The following ELMO1 variants were observed in gnomAD, a reference collection of about 807,000 sequenced individuals.
The protein encoded by ELMO1 is engulfment and cell motility 1, also known as engulfment and cell motility protein 1.
In ELMO1, 26 loss-of-function variants were observed where a neutral mutation model predicts 98.9. That is an observed-to-expected ratio of 0.26 (90% confidence interval 0.19 to 0.36). The LOEUF is 0.36. ELMO1 is among the 10% of genes least tolerant of loss of function. The pLI, the probability that ELMO1 is intolerant of heterozygous loss-of-function variation, is 1.00. For missense variants in ELMO1, 627 were observed against 935.2 expected, an observed-to-expected ratio of 0.67 and a Z score of 4.30; for synonymous variants, 346 against 346.0, an observed-to-expected ratio of 1.00 and a Z score of 0.00.
chr7:37,288,138 T>C (rs1172000987), intron 4 of ELMO1, among the ~76,000 whole-genome samples: 6 of 152,218 alleles, frequency 3.9e-5, no homozygotes, highest in African/African-American at 1.2e-4. Flanking sequence ...TTTTGTATTT[T>C]TGGTAGAGAC....
At position 37,293,480 on chromosome 7, in the gene ELMO1, C is replaced by T. The variant is rs1157281020; in HGVS notation, c.192+21370G>A. On this transcript the variant is annotated intron_variant, in intron 4 of 21. Transcript: ENST00000310758. ...CACTCAGGGTTGAATGGATTAAGGG[C>T]GGTGCAAGTTGTGCTTTGTTAAACA... is the stretch of plus-strand genomic sequence containing the variant. 4.0e-5 allele frequency among the ~76,000 whole-genome samples: 4 copies of T among 99,486 alleles called. No homozygotes were observed. In the East Asian group the frequency reaches 6.9e-4, roughly 17 times the overall value. The allele number at this position is 99,486 out of a possible 152,430, so 65.3% of individuals were successfully genotyped here.
chr7:37,240,725 T>C (rs2130684334), intron 7 of ELMO1, among the ~76,000 whole-genome samples: 1 of 152,336 alleles, frequency 6.6e-6, no homozygotes, highest in South Asian at 2.1e-4. Context: ...AGTTATTCCT[T>C]GACTCTTTGA....
intron 15 of ELMO1, among the ~76,000 whole-genome samples, chr7:37,083,332 G>C (rs1783579267): frequency 6.6e-6 from 1 of 152,084 alleles, no homozygotes; most frequent in Admixed American, 6.5e-5. Flanking sequence ...TCCCCTGCAG[G>C]AATTTGCATT....
chr7:36,946,252 T>G (rs529866412), intron 16 of ELMO1, among the ~76,000 whole-genome samples: 4 of 152,264 alleles, frequency 2.6e-5, no homozygotes, highest in Non-Finnish European at 5.9e-5. Flanking sequence ...ACATTTCATC[T>G]GTGCCATTAG....
At chr7:37,225,067 G>T in intron 8 of ELMO1, 37 bp from the exon 9 acceptor site, 1 of 1,613,006 alleles carries the variant, frequency 6.2e-7, no homozygotes. Flanking sequence ...ACTGCTCGTG[G>T]TAAGTAGAGC....
rs577770632 is a variant in ELMO1 at position 36,919,222 on chromosome 7, T to C, written c.1438-24205A>G. Reference sequence around the variant, plus strand: ...CTGTTGAATGTCACTATGTGCTCCATGTTATCCAGCATTTGGTTAATAGTG... The same window carrying C: ...CTGTTGAATGTCACTATGTGCTCCACGTTATCCAGCATTTGGTTAATAGTG... On this transcript the variant is annotated intron_variant, in intron 16 of 21. Transcript: ENST00000310758. 5 of 326,042 alleles carry C rather than the reference T, an allele frequency of 1.5e-5. No individual in the cohort carries two copies. In the East Asian group the frequency reaches 2.5e-4, roughly 16 times the overall value. 20.2% of individuals were successfully genotyped at this position (326,042 alleles called of 1,614,324 possible).
At chr7:37,193,819 C>G (rs1025011991) in intron 13 of ELMO1, among the ~76,000 whole-genome samples, 1 of 152,166 alleles carries the variant, frequency 6.6e-6, no homozygotes, top group South Asian at 2.1e-4. Flanking sequence ...GATGAGCACA[C>G]ACATGCACAC....
chr7:37,046,588 G>A (rs1485477307), intron 15 of ELMO1, among the ~76,000 whole-genome samples: 1 of 152,118 alleles, frequency 6.6e-6, no homozygotes, highest in East Asian at 1.9e-4. Context: ...ACACGGGAAT[G>A]AGAATGATGA....
intron 1 of ELMO1, among the ~76,000 whole-genome samples, chr7:37,403,504 T>C (rs1803621099): frequency 6.6e-6 from 1 of 152,180 alleles, no homozygotes; most frequent in Admixed American, 6.5e-5. Flanking sequence ...TGTATGATAT[T>C]GTAACAGTAG....
chr7:36,971,933 G>C (rs1008489224), intron 16 of ELMO1, among the ~76,000 whole-genome samples: 1 of 152,116 alleles, frequency 6.6e-6, no homozygotes, highest in Non-Finnish European at 1.5e-5. Context: ...ACATTTGTAA[G>C]GTAATTTCAC....
intron 16 of ELMO1, among the ~76,000 whole-genome samples, chr7:36,903,707 T>C (rs1783752815): frequency 6.6e-6 from 1 of 151,940 alleles, no homozygotes; most frequent in South Asian, 2.1e-4. Context: ...CACAAGAAGG[T>C]AGGAAGGAGG....
At chr7:36,924,760 T>TG (rs1458445733) in intron 16 of ELMO1, among the ~76,000 whole-genome samples, 1 of 151,678 alleles carries the variant, frequency 6.6e-6, no homozygotes, top group South Asian at 2.1e-4. Context: ...ACCCCCATGG[T>TG]GGGGGGTGGC....
At chr7:36,956,354 C>G (rs1053513041) in intron 16 of ELMO1, among the ~76,000 whole-genome samples, 1 of 152,170 alleles carries the variant, frequency 6.6e-6, no homozygotes, top group Non-Finnish European at 1.5e-5. Flanking sequence ...AGGGCAGAAT[C>G]TATAATTCCC....
At chr7:37,059,918 C>T (rs565550369) in intron 15 of ELMO1, among the ~76,000 whole-genome samples, 4 of 152,302 alleles carry the variant, frequency 2.6e-5, no homozygotes, top group South Asian at 2.1e-4. Flanking sequence ...CACCTGTTGG[C>T]GTTTATTTCT....
At chr7:37,061,719 A>C (rs1398579768) in intron 15 of ELMO1, among the ~76,000 whole-genome samples, 1 of 152,230 alleles carries the variant, frequency 6.6e-6, no homozygotes, top group African/African-American at 2.4e-5. Context: ...TGGATTATTT[A>C]AAAATAAAAA....
chr7:37,240,662 G>A (rs1434441050), intron 7 of ELMO1, among the ~76,000 whole-genome samples: 1 of 151,434 alleles, frequency 6.6e-6, no homozygotes, highest in Admixed American at 6.6e-5. Context: ...CACAAATTTG[G>A]GTATGTTGTA....
At chr7:36,951,938 G>C (rs1787997288) in intron 16 of ELMO1, among the ~76,000 whole-genome samples, 1 of 152,184 alleles carries the variant, frequency 6.6e-6, no homozygotes, top group Non-Finnish European at 1.5e-5. Flanking sequence ...TTAAATGAAG[G>C]GGGGTTTAAA....
Position 37,227,633 on chromosome 7 carries a change from G to A in ELMO1, c.550-2603C>T, listed in dbSNP as rs183032159. Among the ~76,000 whole-genome samples the A allele has an allele frequency of 1.3e-4, 20 of 152,192 alleles. No homozygotes were observed. In the East Asian group the frequency reaches 3.1e-3, roughly 24 times the overall value. The stretch of plus-strand genomic sequence containing the variant: ...ACTCCTGACCTCAAGTAATCCACCC[G>A]CCTCGGCCTCCCAAAGTGCTGGGAT... On this transcript the variant is annotated intron_variant, in intron 8 of 21. Transcript: ENST00000310758.
At chr7:37,073,107 CT>C (rs1337920028) in intron 15 of ELMO1, among the ~76,000 whole-genome samples, 1 of 152,160 alleles carries the variant, frequency 6.6e-6, no homozygotes, top group African/African-American at 2.4e-5. Context: ...AAAATGAATC[CT>C]TTGCGTTAAT....
Sources: gnomAD v4.1 joint callset for allele counts (sites outside exome capture counted in the v4.1 genomes callset) on GRCh38, gnomAD v4.1.1 for gene constraint, MANE v1.5 for transcripts, NCBI Gene and HGNC (gene_info 2026-07-23, HGNC 2026-07-21) for gene names.